The following PPP1R13B variants were observed in gnomAD, a reference collection of about 807,000 sequenced individuals.
The protein encoded by PPP1R13B is protein phosphatase 1 regulatory subunit 13B.
In PPP1R13B, 44 loss-of-function variants were observed where a neutral mutation model predicts 119.8. That is an observed-to-expected ratio of 0.37 (90% CI 0.29 to 0.47). The LOEUF (loss-of-function observed/expected upper bound fraction) is 0.47. Ranked by LOEUF, PPP1R13B falls within the 20% of genes least tolerant of loss-of-function variation. The pLI is 0.99. For synonymous variants in PPP1R13B, 542 were observed against 561.5 expected (o/e 0.97, Z 0.49); for missense variants, 1,227 against 1,413.5 (o/e 0.87, Z 2.12).
intron 1 of PPP1R13B, among the ~76,000 whole-genome samples, chr14:103,826,722 A>T (rs949826954): frequency 6.6e-5 from 10 of 151,840 alleles, no homozygotes; most frequent in Non-Finnish European, 1.5e-4. Flanking sequence ...AAAAAAAAAA[A>T]AAAAAGCCAG....
rs766127532 is a variant in PPP1R13B at position 103,839,399 on chromosome 14, A to G, written c.9+7900T>C. On this transcript the variant is annotated intron_variant, in intron 1 of 16. Coordinates refer to ENST00000202556, the MANE Select transcript of PPP1R13B (RefSeq NM_015316.3). Reference sequence around the variant, plus strand: ...CCCCAGCACTTTGGGGGGTTGAGGCAGGCAGATCACCTGACGTTGGGAGTT... The same window carrying G: ...CCCCAGCACTTTGGGGGGTTGAGGCGGGCAGATCACCTGACGTTGGGAGTT... 4.0e-5 allele frequency among the ~76,000 whole-genome samples: 6 copies of G among 151,878 alleles called. No individual in the cohort carries two copies. In the East Asian group the frequency reaches 1.2e-3, roughly 30 times the overall value.
Position 103,734,584 on chromosome 14 carries a change from C to G in PPP1R13B, c.*570G>C, listed in dbSNP as rs1346755473. On this transcript the variant is annotated 3_prime_UTR_variant, in exon 17 of 17. Coordinates refer to ENST00000202556, the MANE Select transcript of PPP1R13B (RefSeq NM_015316.3). ...TGAACTGGAACAGGAAGCGGAACCC[C>G]CAAGGCGGCCGAGCAGAGTGGGTAC... 2.2e-6 allele frequency: 1 copy of G among 456,496 alleles called. No individual in the cohort carries two copies. Among genetic ancestry groups the G allele is most frequent in the South Asian group, 1.5e-5 (1 of 64,564 alleles). 28.3% of individuals were successfully genotyped at this position (456,496 alleles called of 1,614,324 possible).
At chr14:103,824,447 G>A (rs1324833868) in intron 1 of PPP1R13B, among the ~76,000 whole-genome samples, 1 of 151,272 alleles carries the variant, frequency 6.6e-6, no homozygotes, top group Non-Finnish European at 1.5e-5. Flanking sequence ...TGTAATCCCA[G>A]CACTTTGGGA....
intron 2 of PPP1R13B, among the ~76,000 whole-genome samples, chr14:103,796,516 G>A (rs1256338370): frequency 2.0e-5 from 3 of 152,122 alleles, no homozygotes; most frequent in South Asian, 2.1e-4. Context: ...CGTATACTTC[G>A]TATACTGCTG....
At chr14:103,750,975 G>A (rs1235114399) in intron 7 of PPP1R13B, among the ~76,000 whole-genome samples, 1 of 148,498 alleles carries the variant, frequency 6.7e-6, no homozygotes, top group African/African-American at 2.5e-5. Flanking sequence ...CCAACATGGT[G>A]AAACTCCGTC....
chr14:103,792,641 AGTTTGCC>A (rs1377247341), intron 2 of PPP1R13B, among the ~76,000 whole-genome samples: 3 of 152,110 alleles, frequency 2.0e-5, no homozygotes, highest in Non-Finnish European at 4.4e-5. Context: ...GGCACTGTGC[AGTTTGCC>A]TGTGCTCCCA....
intron 5 of PPP1R13B, among the ~76,000 whole-genome samples, chr14:103,756,518 T>C (rs190982901): frequency 1.8e-4 from 28 of 152,346 alleles, no homozygotes; most frequent in African/African-American, 6.3e-4. Flanking sequence ...ATAACCAGTG[T>C]AGAACTCAGT....
At chr14:103,806,059 GA>G (rs2086010564) in intron 1 of PPP1R13B, among the ~76,000 whole-genome samples, 1 of 152,150 alleles carries the variant, frequency 6.6e-6, no homozygotes, top group Non-Finnish European at 1.5e-5. Flanking sequence ...TAAAAAGTAG[GA>G]TATATAAAAC....
At chr14:103,766,694 G>A (rs570598623) in intron 4 of PPP1R13B, among the ~76,000 whole-genome samples, 13 of 151,814 alleles carry the variant, frequency 8.6e-5, no homozygotes, top group Middle Eastern at 3.4e-3. Flanking sequence ...TGCAACTTCC[G>A]CCTCCTGGGT....
At chr14:103,770,620 G>A (rs2085045471) in intron 4 of PPP1R13B, among the ~76,000 whole-genome samples, 1 of 152,084 alleles carries the variant, frequency 6.6e-6, no homozygotes, top group Non-Finnish European at 1.5e-5. Context: ...AGGAAAATGG[G>A]CTATCAAAGT....
intron 4 of PPP1R13B, among the ~76,000 whole-genome samples, chr14:103,777,920 G>A (rs2085245274): frequency 6.6e-6 from 1 of 151,020 alleles, no homozygotes; most frequent in Non-Finnish European, 1.5e-5. Context: ...TCAGCCTCCT[G>A]AGTAGCTGGG....
chr14:103,826,409 G>A (rs2086543218), intron 1 of PPP1R13B, among the ~76,000 whole-genome samples: 1 of 152,140 alleles, frequency 6.6e-6, no homozygotes, highest in Non-Finnish European at 1.5e-5. Context: ...TTCACCAGGA[G>A]CTTCCCTAAC....
chr14:103,836,810 GAGTT>G (rs1444762605), intron 1 of PPP1R13B, among the ~76,000 whole-genome samples: 1 of 150,526 alleles, frequency 6.6e-6, no homozygotes, highest in African/African-American at 2.4e-5. Context: ...CAAAGTCACA[GAGTT>G]AGTAAGAGGC....
intron 1 of PPP1R13B, among the ~76,000 whole-genome samples, chr14:103,817,712 C>T (rs1056130239): frequency 2.0e-5 from 3 of 150,934 alleles, no homozygotes; most frequent in Admixed American, 2.0e-4. Context: ...GAGGATAAGC[C>T]CCTCTCCTTT....
chr14:103,808,283 A>C (rs1277738377), intron 1 of PPP1R13B, among the ~76,000 whole-genome samples: 2 of 152,010 alleles, frequency 1.3e-5, no homozygotes, highest in South Asian at 2.1e-4. Context: ...AGCCTTGAAC[A>C]TAACTATGTG....
chr14:103,739,361 T>C (rs989464875), intron 12 of PPP1R13B: 35 of 337,512 alleles, frequency 1.0e-4, no homozygotes, highest in Admixed American at 4.3e-5. Flanking sequence ...CAGCAGCTCG[T>C]TCCTGCCCAC....
intron 2 of PPP1R13B, among the ~76,000 whole-genome samples, chr14:103,795,652 C>T (rs1205592777): frequency 6.6e-6 from 1 of 152,060 alleles, no homozygotes; most frequent in Non-Finnish European, 1.5e-5. Context: ...AACAAAAGTG[C>T]TAAGAGGCTA....
chr14:103,746,725 C>G (rs1251655885), intron 8 of PPP1R13B, 172 bp from the exon 9 acceptor site: 1 of 531,950 alleles, frequency 1.9e-6, no homozygotes. Flanking sequence ...GGAGAAGGAA[C>G]TGTAGCTTCC....
chr14:103,848,153 C>T (rs761699697), upstream of PPP1R13B: 2 of 808,248 alleles, frequency 2.5e-6, no homozygotes, highest in Admixed American at 6.2e-5. Flanking sequence ...GCTTCTCCCC[C>T]ACCGGCGTCT....
Sources: gnomAD v4.1 joint callset for allele counts (sites outside exome capture counted in the v4.1 genomes callset) on GRCh38, gnomAD v4.1.1 for gene constraint, MANE v1.5 for transcripts, NCBI Gene and HGNC (gene_info 2026-07-23, HGNC 2026-07-21) for gene names.